ATRNL1: variants seen among roughly 807,000 people sequenced by gnomAD.
The protein encoded by ATRNL1 is attractin like 1.
In ATRNL1, 95 loss-of-function variants were observed where a neutral mutation model predicts 182.7. That is an observed-to-expected ratio of 0.52 (90% CI 0.44 to 0.62). The LOEUF is 0.62. ATRNL1 is among the 20% of genes least tolerant of loss of function. The pLI, the probability that ATRNL1 is intolerant of heterozygous loss-of-function variation, is 0.00. For synonymous variants in ATRNL1, 576 were observed against 568.3 expected, an observed-to-expected ratio of 1.01 and a Z score of -0.19; for missense variants, 1,471 against 1,679.5, an observed-to-expected ratio of 0.88 and a Z score of 2.17.
intron 8 of ATRNL1, among the ~76,000 whole-genome samples, chr10:115,194,323 G>A (rs781939841): frequency 1.3e-5 from 2 of 151,942 alleles, no homozygotes; most frequent in African/African-American, 4.8e-5. Context: ...TTGTTTTGGG[G>A]TCTTCTCTCT....
intron 26 of ATRNL1, among the ~76,000 whole-genome samples, chr10:115,603,006 G>A (rs782285730): frequency 6.6e-6 from 1 of 152,184 alleles, no homozygotes; most frequent in Non-Finnish European, 1.5e-5. Context: ...GCCAGATGAA[G>A]AGGTACGTAG....
chr10:115,458,934 G>T (rs1847663362), intron 21 of ATRNL1, among the ~76,000 whole-genome samples: 1 of 152,162 alleles, frequency 6.6e-6, no homozygotes, highest in South Asian at 2.1e-4. Context: ...GGAGGGACCG[G>T]CTGAAGCCAT....
chr10:115,726,053 T>C (rs184713674), intron 26 of ATRNL1, among the ~76,000 whole-genome samples: 1 of 152,134 alleles, frequency 6.6e-6, no homozygotes, highest in Non-Finnish European at 1.5e-5. Context: ...TTTTTAATAA[T>C]AAAAACCAGG....
At chr10:115,623,019 TTTATAA>T (rs1163480812) in intron 26 of ATRNL1, among the ~76,000 whole-genome samples, 1 of 152,142 alleles carries the variant, frequency 6.6e-6, no homozygotes, top group Non-Finnish European at 1.5e-5. Flanking sequence ...TAAATTATAA[TTTATAA>T]TTATCTAACA....
chr10:115,860,943 C>T (rs1951302401), intron 28 of ATRNL1, among the ~76,000 whole-genome samples: 1 of 152,200 alleles, frequency 6.6e-6, no homozygotes, highest in Non-Finnish European at 1.5e-5. Flanking sequence ...CCCAGTCCTT[C>T]CATCTGGGCC....
At chr10:115,522,307 C>T (rs1413023007) in intron 25 of ATRNL1, among the ~76,000 whole-genome samples, 1 of 152,142 alleles carries the variant, frequency 6.6e-6, no homozygotes, top group East Asian at 1.9e-4. Flanking sequence ...ACTGCTTCCA[C>T]TCATGGCAGA....
chr10:115,369,290 G>A (rs1202338163), intron 19 of ATRNL1, among the ~76,000 whole-genome samples: 1 of 141,276 alleles, frequency 7.1e-6, no homozygotes, highest in African/African-American at 2.6e-5. Flanking sequence ...CTTTGAAGGG[G>A]ATTGGGGTTC....
intron 26 of ATRNL1, among the ~76,000 whole-genome samples, chr10:115,599,386 C>T (rs868921735): frequency 6.6e-6 from 1 of 152,126 alleles, no homozygotes; most frequent in Non-Finnish European, 1.5e-5. Flanking sequence ...AACTCAGTCT[C>T]ATAAGTGCAT....
intron 28 of ATRNL1, among the ~76,000 whole-genome samples, chr10:115,918,399 G>A (rs991686575): frequency 5.3e-5 from 8 of 152,086 alleles, no homozygotes; most frequent in South Asian, 2.1e-4. Context: ...CACCGCGTCC[G>A]GCCTTTTTAG....
At chr10:115,812,157 A>G (rs1950060769) in intron 27 of ATRNL1, among the ~76,000 whole-genome samples, 1 of 151,972 alleles carries the variant, frequency 6.6e-6, no homozygotes, top group African/African-American at 2.4e-5. Flanking sequence ...AATCTGTGTT[A>G]TATATTTATA....
intron 27 of ATRNL1, among the ~76,000 whole-genome samples, chr10:115,767,972 G>C (rs1360857834): frequency 6.6e-6 from 1 of 152,016 alleles, no homozygotes; most frequent in Non-Finnish European, 1.5e-5. Context: ...ATTTTAAGCA[G>C]GTCATTTTTC....
chr10:115,536,727 C>T (rs566100198), intron 25 of ATRNL1, among the ~76,000 whole-genome samples: 223 of 152,206 alleles, frequency 1.5e-3, no homozygotes, highest in African/African-American at 4.6e-3. Context: ...AGCTGCAGAC[C>T]GGAGCTGTTC....
chr10:115,124,060 G>A (rs1036650165), intron 3 of ATRNL1, among the ~76,000 whole-genome samples: 2 of 151,970 alleles, frequency 1.3e-5, no homozygotes, highest in African/African-American at 4.8e-5. Context: ...GAAATAAAGT[G>A]CATAATAAAT....
At chr10:115,397,727 G>T (rs74636962) in intron 20 of ATRNL1, among the ~76,000 whole-genome samples, 2 of 151,992 alleles carry the variant, frequency 1.3e-5, no homozygotes, top group East Asian at 3.9e-4. Context: ...TAAAAGCAAA[G>T]AAGTAGAAAT....
At chr10:115,303,251 G>A (rs1335830048) in intron 17 of ATRNL1, among the ~76,000 whole-genome samples, 36 of 128,518 alleles carry the variant, frequency 2.8e-4, no homozygotes, top group East Asian at 1.0e-3. Context: ...TTGAGATGGA[G>A]TCTCACTCTG....
chr10:115,922,642 G>C (rs1179074902), intron 28 of ATRNL1, among the ~76,000 whole-genome samples: 2 of 151,916 alleles, frequency 1.3e-5, no homozygotes, highest in African/African-American at 4.8e-5. Flanking sequence ...GGGAAGCGTG[G>C]GATAGTTTTC....
At chr10:115,838,559 G>A (rs1950732520) in intron 27 of ATRNL1, among the ~76,000 whole-genome samples, 1 of 152,130 alleles carries the variant, frequency 6.6e-6, no homozygotes, top group Non-Finnish European at 1.5e-5. Flanking sequence ...TAACAAGCAA[G>A]CTGGCATTGG....
At chr10:115,311,077 C>T (rs1217494455) in intron 17 of ATRNL1, among the ~76,000 whole-genome samples, 3 of 151,986 alleles carry the variant, frequency 2.0e-5, no homozygotes, top group African/African-American at 7.3e-5. Flanking sequence ...CAAAATCGTT[C>T]AGGAGCAGAT....
At chr10:115,358,865 C>T (rs1485097133) in intron 19 of ATRNL1, among the ~76,000 whole-genome samples, 2 of 151,580 alleles carry the variant, frequency 1.3e-5, no homozygotes, top group African/African-American at 2.4e-5. Context: ...CTACTTATGT[C>T]TATTATTATT....
Sources: allele counts gnomAD v4.1 joint callset (sites outside exome capture counted in the v4.1 genomes callset), GRCh38; gene constraint gnomAD v4.1.1; transcripts MANE v1.5; gene names NCBI Gene and HGNC (gene_info 2026-07-23, HGNC 2026-07-21).